The following PXDNL variants were observed in gnomAD, a reference collection of about 807,000 sequenced individuals.
PXDNL encodes probable oxidoreductase PXDNL.
PXDNL carries 145 observed loss-of-function variants against 150.8 expected under a neutral mutation model. The observed-to-expected ratio is 0.96, with a 90% CI of 0.84 to 1.10. The LOEUF is 1.10. Ranked by LOEUF, PXDNL falls within the 50% of genes least tolerant of loss-of-function variation. PXDNL has a pLI of 0.00. For missense variants in PXDNL, 2,087 were observed against 1,873.9 expected, an observed-to-expected ratio of 1.11 and a Z score of -2.10; for synonymous variants, 757 against 725.7, an observed-to-expected ratio of 1.04 and a Z score of -0.69.
intron 5 of PXDNL, among the ~76,000 whole-genome samples, chr8:51,495,247 A>G (rs1360209310): frequency 6.6e-6 from 1 of 152,198 alleles, no homozygotes; most frequent in East Asian, 1.9e-4. Context: ...ACAAAGACAC[A>G]ACATACCAGA....
intron 1 of PXDNL, among the ~76,000 whole-genome samples, chr8:51,666,450 A>C (rs1815387734): frequency 6.6e-6 from 1 of 152,160 alleles, no homozygotes; most frequent in South Asian, 2.1e-4. Context: ...AGGGAGATAC[A>C]TATACATATA....
At chr8:51,743,771 C>T (rs1010625763) in intron 1 of PXDNL, among the ~76,000 whole-genome samples, 3 of 152,042 alleles carry the variant, frequency 2.0e-5, no homozygotes, top group African/African-American at 7.3e-5. Flanking sequence ...CAGCCTTGGC[C>T]TCCCAAAATG....
At chr8:51,473,156 A>T (rs138741777) in intron 7 of PXDNL, among the ~76,000 whole-genome samples, 1,697 of 152,214 alleles carry the variant, frequency 0.011, 34 homozygotes, top group African/African-American at 0.039. Flanking sequence ...ATTTAAAAAA[A>T]AATTCAACGT....
intron 2 of PXDNL, among the ~76,000 whole-genome samples, chr8:51,638,220 C>A (rs1024100470): frequency 3.9e-4 from 60 of 152,152 alleles, no homozygotes; most frequent in Non-Finnish European, 8.1e-4. Flanking sequence ...TGGAAAGGAA[C>A]AACCGGTACC....
intron 1 of PXDNL, among the ~76,000 whole-genome samples, chr8:51,668,174 C>CTTTTTTTTT (rs1447281482): frequency 4.6e-5 from 1 of 21,736 alleles, no homozygotes; most frequent in Non-Finnish European, 7.3e-5. Context: ...TTCTCGCTCT[C>CTTTTTTTTT]TCTTTTTTTT....
intron 3 of PXDNL, among the ~76,000 whole-genome samples, chr8:51,565,942 GT>G (rs981523439): frequency 1.1e-4 from 16 of 151,452 alleles, no homozygotes; most frequent in African/African-American, 3.6e-4. Context: ...AGCCATAGGG[GT>G]TTTTTTTGGA....
chr8:51,660,593 G>A (rs115120922), intron 1 of PXDNL, among the ~76,000 whole-genome samples: 190 of 152,280 alleles, frequency 1.2e-3, no homozygotes, highest in African/African-American at 4.3e-3. Flanking sequence ...GAGAAAGCCT[G>A]TCTTCCTGAG....
chr8:51,785,524 T>C (rs2037452833), intron 1 of PXDNL, among the ~76,000 whole-genome samples: 1 of 152,230 alleles, frequency 6.6e-6, no homozygotes, highest in African/African-American at 2.4e-5. Context: ...GTGCTCACTT[T>C]GTGTTTCTGT....
chr8:51,446,823 T>C (rs1809687073), intron 12 of PXDNL, among the ~76,000 whole-genome samples, 181 bp downstream of exon 12: 1 of 152,072 alleles, frequency 6.6e-6, no homozygotes. Flanking sequence ...AAAATAGAAT[T>C]CTAAAAACTG....
chr8:51,539,823 T>C (rs895542739), intron 4 of PXDNL, among the ~76,000 whole-genome samples: 4 of 152,330 alleles, frequency 2.6e-5, no homozygotes, highest in African/African-American at 7.2e-5. Flanking sequence ...CTTGATATTA[T>C]GTATCTTCTT....
intron 1 of PXDNL, among the ~76,000 whole-genome samples, chr8:51,691,110 T>G (rs1341788212): frequency 6.6e-6 from 1 of 152,182 alleles, no homozygotes; most frequent in Non-Finnish European, 1.5e-5. Flanking sequence ...TTTCTCCCAT[T>G]TTTTAGGTTG....
At chr8:51,607,887 A>AGGAAGGAAGGAAGGAG (rs1430017701) in intron 2 of PXDNL, among the ~76,000 whole-genome samples, 5 of 119,490 alleles carry the variant, frequency 4.2e-5, no homozygotes, top group African/African-American at 1.8e-4. Context: ...GAAGGAAGGA[A>AGGAAGGAAGGAAGGAG]GGAAGGAAGG....
In PXDNL at chr8:51,405,660, G is replaced by A. The variant is rs372764050; in HGVS notation, c.3557+2407C>T. Among the ~76,000 whole-genome samples the A allele has an allele frequency of 1.8e-3, 272 of 152,296 alleles. 1 individual carries two copies. The highest frequency in any genetic ancestry group is 5.8e-3 in the African/African-American group (243 of 41,580). On this transcript the variant is annotated intron_variant, in intron 17 of 22. Transcript: ENST00000356297. The stretch of plus-strand genomic sequence containing the variant: ...CAATCTACATATTTGAGAACTGACC[G>A]TAAAAACCATTTTATTTTGCACTCA...
chr8:51,497,518 T>C (rs1811079176), intron 5 of PXDNL, among the ~76,000 whole-genome samples: 1 of 151,830 alleles, frequency 6.6e-6, no homozygotes, highest in Non-Finnish European at 1.5e-5. Flanking sequence ...TAGGAGAAAA[T>C]TTTTGCAATC....
intron 19 of PXDNL, among the ~76,000 whole-genome samples, chr8:51,367,151 A>G (rs1442346763): frequency 6.7e-6 from 1 of 150,106 alleles, no homozygotes; most frequent in East Asian, 2.0e-4. Flanking sequence ...GGAAGCAAGC[A>G]TGTTGCTGCT....
chr8:51,633,503 C>T (rs1312982975), intron 2 of PXDNL, among the ~76,000 whole-genome samples: 2 of 152,060 alleles, frequency 1.3e-5, no homozygotes, highest in South Asian at 2.1e-4. Flanking sequence ...TTTACATTCC[C>T]ACCAACAGCA....
intron 1 of PXDNL, among the ~76,000 whole-genome samples, chr8:51,690,580 T>G (rs1463856263): frequency 6.6e-6 from 1 of 152,214 alleles, no homozygotes; most frequent in East Asian, 1.9e-4. Flanking sequence ...TGTTGGACAT[T>G]TGGGTTGGTT....
At chr8:51,433,021 C>A (rs570073052) in intron 12 of PXDNL, among the ~76,000 whole-genome samples, 1 of 152,044 alleles carries the variant, frequency 6.6e-6, no homozygotes, top group Non-Finnish European at 1.5e-5. Flanking sequence ...ACCAGCCTGG[C>A]CAACATGGTA....
intron 1 of PXDNL, among the ~76,000 whole-genome samples, chr8:51,778,755 A>G (rs2037382121): frequency 1.3e-5 from 2 of 152,208 alleles, no homozygotes; most frequent in African/African-American, 4.8e-5. Flanking sequence ...CTTTTAAATG[A>G]AAGATAATGA....
Sources: allele counts gnomAD v4.1 joint callset (sites outside exome capture counted in the v4.1 genomes callset), GRCh38; gene constraint gnomAD v4.1.1; transcripts MANE v1.5; gene names NCBI Gene and HGNC (gene_info 2026-07-23, HGNC 2026-07-21).